The following KHDRBS2 variants were observed in gnomAD, a reference collection of about 807,000 sequenced individuals.
KHDRBS2 encodes KH domain-containing, RNA-binding, signal transduction-associated protein 2.
In KHDRBS2, 26 loss-of-function variants were observed where a neutral mutation model predicts 44.3. The observed-to-expected ratio is 0.59, with a 90% CI of 0.43 to 0.81. KHDRBS2 has a LOEUF of 0.81. KHDRBS2 is among the 40% of genes least tolerant of loss of function. KHDRBS2 has a pLI of 0.00. For synonymous variants in KHDRBS2, 194 were observed against 151.1 expected, an observed-to-expected ratio of 1.28 and a Z score of -2.08; for missense variants, 476 against 433.1, an observed-to-expected ratio of 1.10 and a Z score of -0.88.
intron 2 of KHDRBS2, among the ~76,000 whole-genome samples, chr6:62,071,643 A>G (rs1386049507): frequency 5.9e-5 from 9 of 152,180 alleles, no homozygotes; most frequent in Non-Finnish European, 1.0e-4. Context: ...CAAAGATCAG[A>G]TAGCTGTAGA....
At chr6:62,182,661 G>T (rs1822570178) in intron 1 of KHDRBS2, among the ~76,000 whole-genome samples, 1 of 151,726 alleles carries the variant, frequency 6.6e-6, no homozygotes, top group Non-Finnish European at 1.5e-5. Flanking sequence ...TGAAGGTTTT[G>T]TTTTTTGTTA....
intron 1 of KHDRBS2, among the ~76,000 whole-genome samples, chr6:62,233,198 T>C (rs1006388882): frequency 2.0e-5 from 3 of 152,174 alleles, no homozygotes; most frequent in South Asian, 2.1e-4. Context: ...CTGGCTTCCA[T>C]TGAAAAGAAG....
At chr6:61,945,022 C>T (rs1419666126) in intron 4 of KHDRBS2, among the ~76,000 whole-genome samples, 9 of 144,060 alleles carry the variant, frequency 6.2e-5, no homozygotes, top group East Asian at 2.1e-4. Context: ...ATCTGGGAGG[C>T]GGAGGTTGCA....
intron 4 of KHDRBS2, among the ~76,000 whole-genome samples, chr6:61,945,109 AAAAG>A (rs1257989456): frequency 0.018 from 672 of 36,556 alleles, 50 homozygotes; most frequent in East Asian, 0.034. Context: ...AAAAAAAAAA[AAAAG>A]TATATATATA....
the KHDRBS2 span, among the ~76,000 whole-genome samples, chr6:61,571,349 T>A: frequency 0.59 from 89,695 of 151,688 alleles, 26,700 homozygotes; most frequent in Non-Finnish European, 0.61. Flanking sequence ...TGATAAAAGG[T>A]TTAGTTCAAC....
In KHDRBS2 at chr6:61,789,474, G is replaced by C. The variant is rs181648686; in HGVS notation, c.811-56710C>G. The stretch of plus-strand genomic sequence containing the variant: ...GCACACAAGCATGGAAAGAAAAAAC[G>C]TATAGTATTAGTGTTTCAAAAAGAA... On this transcript the variant is annotated intron_variant, in intron 6 of 8. Coordinates refer to ENST00000281156, the MANE Select transcript of KHDRBS2 (RefSeq NM_152688.4). Among the ~76,000 whole-genome samples, 787 of 151,474 alleles carry C rather than the reference G, an allele frequency of 5.2e-3. 5 individuals are homozygous for C. The highest frequency in any genetic ancestry group is 7.2e-3 in the Non-Finnish European group (483 of 67,522).
intron 6 of KHDRBS2, among the ~76,000 whole-genome samples, chr6:61,787,526 C>T (rs1784007489): frequency 6.6e-6 from 1 of 151,682 alleles, no homozygotes; most frequent in Non-Finnish European, 1.5e-5. Context: ...TTACCTATGC[C>T]TTTTATTAAA....
chr6:61,828,436 T>C (rs1791269151), intron 6 of KHDRBS2, among the ~76,000 whole-genome samples: 1 of 152,194 alleles, frequency 6.6e-6, no homozygotes, highest in South Asian at 2.1e-4. Context: ...CAGGTGCGGG[T>C]GAAGGGTTAT....
chr6:62,173,232 C>T (rs1462036125), intron 2 of KHDRBS2, among the ~76,000 whole-genome samples: 1 of 149,250 alleles, frequency 6.7e-6, no homozygotes, highest in African/African-American at 2.5e-5. Context: ...TAAACATAAA[C>T]AAATAACAAA....
At chr6:61,714,248 CATAA>C (rs1262669053) in intron 7 of KHDRBS2, among the ~76,000 whole-genome samples, 6 of 151,702 alleles carry the variant, frequency 4.0e-5, no homozygotes, top group African/African-American at 1.2e-4. Flanking sequence ...TAAGCAAACA[CATAA>C]ATAGACATTT....
intron 3 of KHDRBS2, among the ~76,000 whole-genome samples, chr6:62,030,867 C>T (rs1436168367): frequency 6.6e-6 from 1 of 151,788 alleles, no homozygotes; most frequent in Non-Finnish European, 1.5e-5. Flanking sequence ...TTATAATAGC[C>T]CAAATTGGAA....
At chr6:61,847,242 T>C (rs1201591038) in intron 6 of KHDRBS2, among the ~76,000 whole-genome samples, 1 of 152,158 alleles carries the variant, frequency 6.6e-6, no homozygotes, top group African/African-American at 2.4e-5. Context: ...TTCTTTCTTC[T>C]CCATTTTCTC....
chr6:61,586,695 C>T, the KHDRBS2 span, among the ~76,000 whole-genome samples: 1 of 152,026 alleles, frequency 6.6e-6, no homozygotes, highest in Non-Finnish European at 1.5e-5. Context: ...GATCCAGCGG[C>T]CATGTTCCCA....
chr6:61,926,062 G>T (rs1052843257), intron 4 of KHDRBS2, among the ~76,000 whole-genome samples: 2 of 151,374 alleles, frequency 1.3e-5, no homozygotes, highest in African/African-American at 4.9e-5. Flanking sequence ...TATTTATACA[G>T]AAATAATTAT....
At chr6:61,608,139 C>T in the KHDRBS2 span, among the ~76,000 whole-genome samples, 1 of 151,964 alleles carries the variant, frequency 6.6e-6, no homozygotes. Context: ...AAGAATAGCC[C>T]AGATACTTTT....
intron 4 of KHDRBS2, among the ~76,000 whole-genome samples, chr6:61,925,510 G>T (rs1278240299): frequency 1.3e-5 from 2 of 152,068 alleles, no homozygotes; most frequent in African/African-American, 2.4e-5. Context: ...GAGCCCAGGA[G>T]TTCAAGGCCA....
intron 6 of KHDRBS2, among the ~76,000 whole-genome samples, chr6:61,827,596 G>C (rs1791104497): frequency 6.6e-6 from 1 of 152,046 alleles, no homozygotes; most frequent in South Asian, 2.1e-4. Context: ...GTCCACTCGG[G>C]TTGCCTTAAC....
the KHDRBS2 span, among the ~76,000 whole-genome samples, chr6:61,673,500 G>A: frequency 2.1e-3 from 310 of 149,450 alleles, 4 homozygotes; most frequent in Non-Finnish European, 1.9e-3. Flanking sequence ...GTTTGCAGAC[G>A]ACATGATTGT....
chr6:61,572,724 A>G, the KHDRBS2 span, among the ~76,000 whole-genome samples: 1 of 152,198 alleles, frequency 6.6e-6, no homozygotes, highest in Non-Finnish European at 1.5e-5. Context: ...AAAAGTCATG[A>G]TCATTTTAAT....
Sources: gnomAD v4.1 joint callset for allele counts (sites outside exome capture counted in the v4.1 genomes callset) on GRCh38, gnomAD v4.1.1 for gene constraint, MANE v1.5 for transcripts, NCBI Gene and HGNC (gene_info 2026-07-23, HGNC 2026-07-21) for gene names.